The following CABLES1 variants were observed in gnomAD, a reference collection of about 807,000 sequenced individuals.
CABLES1 encodes Cdk5 and Abl enzyme substrate 1.
Under a neutral mutation model 57.8 loss-of-function variants are expected in CABLES1, and 36 were observed. That is an observed-to-expected ratio of 0.62 (90% CI 0.48 to 0.82). CABLES1 has a LOEUF of 0.82. Among genes scored for constraint, CABLES1 ranks in the 40% least tolerant of loss-of-function variants. CABLES1 has a pLI of 0.00. For missense variants in CABLES1, 767 were observed against 836.6 expected (o/e 0.92, Z 1.03); for synonymous variants, 374 against 363.0 (o/e 1.03, Z -0.35).
At chr18:23,186,289 T>C (rs1598817832) in intron 1 of CABLES1, among the ~76,000 whole-genome samples, 3 of 152,302 alleles carry the variant, frequency 2.0e-5, no homozygotes, top group East Asian at 1.9e-4. Context: ...AAAAGCCCAG[T>C]AGCTCCCATT....
At chr18:23,209,833 A>G (rs2047391977) in intron 3 of CABLES1, among the ~76,000 whole-genome samples, 1 of 130,948 alleles carries the variant, frequency 7.6e-6, no homozygotes, top group Non-Finnish European at 1.7e-5. Flanking sequence ...TGAGGGGGTA[A>G]AAACAGATTT....
intron 7 of CABLES1, among the ~76,000 whole-genome samples, chr18:23,240,570 C>T (rs1371345040): frequency 1.3e-5 from 2 of 152,242 alleles, no homozygotes; most frequent in Admixed American, 6.5e-5. Flanking sequence ...TCTGCCCAGA[C>T]AGAGGGCAGA....
chr18:23,183,068 G>A (rs879769031), intron 1 of CABLES1, among the ~76,000 whole-genome samples: 21 of 152,232 alleles, frequency 1.4e-4, no homozygotes, highest in African/African-American at 3.9e-4. Flanking sequence ...GAGGGCCTTC[G>A]GGATGGTCAG....
chr18:23,186,412 T>G (rs910391487), intron 1 of CABLES1, among the ~76,000 whole-genome samples: 1 of 151,684 alleles, frequency 6.6e-6, no homozygotes, highest in African/African-American at 2.4e-5. Flanking sequence ...GAGCTTGCTT[T>G]CTTTTCTCTT....
rs763399073 is a variant in CABLES1, at chr18:23,257,283, G to C, written c.1818G>C (p.Pro606=). 2.5e-6 allele frequency: 4 copies of C among 1,613,654 alleles called. No homozygotes were observed. Among genetic ancestry groups the C allele is most frequent in the Non-Finnish European group, 3.4e-6 (4 of 1,179,948 alleles). ...GAGAACTGATTGCCTTTGAATTCCC[G>C]GTGTTAGTGGCCTTGGAATTCGCCC... The part of the protein sequence containing the change: ...NRRELIAFEF[P]VLVALEFALH... The change falls in exon 10 of 10, where the codon CCG becomes CCC. Residue 606 remains proline (P), a synonymous_variant. Coordinates refer to ENST00000256925, the MANE Select transcript of CABLES1 (RefSeq NM_001100619.3).
chr18:23,140,442 T>C (rs534497173), intron 1 of CABLES1, among the ~76,000 whole-genome samples: 4 of 150,414 alleles, frequency 2.7e-5, no homozygotes, highest in South Asian at 2.1e-4. Flanking sequence ...TTCTTTCTTT[T>C]TTTTTTTTTT....
At position 23,234,709 on chromosome 18, in the gene CABLES1, G is replaced by A. The variant is rs1158624898; in HGVS notation, c.1185+5G>A. On this transcript the variant is annotated splice_donor_5th_base_variant and intron_variant, in intron 5 of 9. Coordinates refer to ENST00000256925, the MANE Select transcript of CABLES1 (RefSeq NM_001100619.3). ...GAGCTGGGTGCTGATGGGAAGGTAA[G>A]GCTGCCAGGCTGCCAGTCACCAAGT... The A allele has an allele frequency of 5.6e-6, 9 of 1,605,602 alleles. No homozygotes were observed. The highest frequency in any genetic ancestry group is 7.7e-6 in the Non-Finnish European group (9 of 1,173,694).
chr18:23,237,076 G>A, intron 6 of CABLES1, 66 bp from the exon 7 acceptor site: 2 of 938,968 alleles, frequency 2.1e-6, no homozygotes, highest in Non-Finnish European at 3.5e-6. Flanking sequence ...CATTCTCCTG[G>A]CTGTCTCTGC....
chr18:23,150,207 G>GTT (rs10638130), intron 1 of CABLES1, among the ~76,000 whole-genome samples: 74,768 of 106,436 alleles, frequency 0.7, 27,632 homozygotes, highest in South Asian at 0.81. Context: ...GTTGGTGTTT[G>GTT]TTTTTTTTTT....
intron 7 of CABLES1, among the ~76,000 whole-genome samples, chr18:23,242,651 C>A (rs1241281348): frequency 6.6e-6 from 1 of 152,156 alleles, no homozygotes; most frequent in East Asian, 1.9e-4. Flanking sequence ...TTTCTGGATT[C>A]TTTTCTTCTG....
chr18:23,246,423 GC>G (rs2047882840), intron 7 of CABLES1, among the ~76,000 whole-genome samples: 1 of 151,608 alleles, frequency 6.6e-6, no homozygotes, highest in South Asian at 2.1e-4. Flanking sequence ...ACGGAGTCTT[GC>G]TCTGTCGCCC....
chr18:23,191,513 A>G (rs929049715), intron 2 of CABLES1, among the ~76,000 whole-genome samples: 3 of 152,172 alleles, frequency 2.0e-5, no homozygotes, highest in Non-Finnish European at 2.9e-5. Flanking sequence ...GGTAACACCA[A>G]TAATGATGCT....
In CABLES1 at chr18:23,258,588, G is replaced by A. The variant is rs942412677; in HGVS notation, c.*1221G>A. 1.3e-5 allele frequency: 2 copies of A among 152,200 alleles called. No individual in the cohort carries two copies. The highest frequency in any genetic ancestry group is 4.8e-5 in the African/African-American group (2 of 41,430). 9.4% of individuals were successfully genotyped at this position (152,200 alleles called of 1,614,324 possible). On this transcript the variant is annotated 3_prime_UTR_variant, in exon 10 of 10. Coordinates refer to ENST00000256925, the MANE Select transcript of CABLES1 (RefSeq NM_001100619.3). ...CTGCAAGAGAGAGGCACCAGCTGAA[G>A]TTCCCCTGACTGAAGAGAGCCTGTG...
intron 1 of CABLES1, among the ~76,000 whole-genome samples, chr18:23,167,923 G>C (rs113876016): frequency 6.6e-6 from 1 of 152,234 alleles, no homozygotes; most frequent in Non-Finnish European, 1.5e-5. Context: ...TCATGCACAC[G>C]CTTAAATGCA....
In CABLES1 at chr18:23,238,670, T is replaced by A. The variant is rs369864097; in HGVS notation, c.1446+1425T>A. 2.0e-5 allele frequency among the ~76,000 whole-genome samples: 3 copies of A among 152,240 alleles called. No individual in the cohort carries two copies. The South Asian group carries it at 6.2e-4, about 31-fold the overall frequency. On this transcript the variant is annotated intron_variant, in intron 7 of 9. Transcript: ENST00000256925. ...GGAGCAACTGGTGTAAGAATAAGGA[T>A]GCTTTATGTGGTTCACTGCCTTACT...
At chr18:23,153,742 A>G (rs1295339179) in intron 1 of CABLES1, among the ~76,000 whole-genome samples, 3 of 151,662 alleles carry the variant, frequency 2.0e-5, no homozygotes, top group Non-Finnish European at 4.4e-5. Flanking sequence ...TCAAAAAACA[A>G]AAAATAGGCC....
chr18:23,209,494 C>T (rs2047388127), intron 3 of CABLES1, among the ~76,000 whole-genome samples: 2 of 152,116 alleles, frequency 1.3e-5, no homozygotes, highest in African/African-American at 4.8e-5. Flanking sequence ...GGGAATGAAC[C>T]ACAGAATTTT....
At chr18:23,210,783 C>T (rs565839159) in intron 3 of CABLES1, among the ~76,000 whole-genome samples, 2 of 152,140 alleles carry the variant, frequency 1.3e-5, no homozygotes, top group African/African-American at 2.4e-5. Context: ...GCTCCATTGG[C>T]AAACCGTCTG....
Position 23,201,534 on chromosome 18 carries a change from A to C in CABLES1, c.1010+6994A>C, listed in dbSNP as rs370120606. ...CATATGACTCCATTTATATGAAATA[A>C]CCAGAATAGTCCATACAGACAGAAA... On this transcript the variant is annotated intron_variant, in intron 3 of 9. Coordinates refer to ENST00000256925, the MANE Select transcript of CABLES1 (RefSeq NM_001100619.3). Among the ~76,000 whole-genome samples the C allele has an allele frequency of 2.3e-4, 35 of 152,370 alleles. 1 individual carries two copies. The highest frequency in any genetic ancestry group is 1.3e-3 in the East Asian group (7 of 5,190).
Sources: allele counts gnomAD v4.1 joint callset (sites outside exome capture counted in the v4.1 genomes callset), GRCh38; gene constraint gnomAD v4.1.1; transcripts MANE v1.5; gene names NCBI Gene and HGNC (gene_info 2026-07-23, HGNC 2026-07-21).